NRXN1: variants seen among roughly 807,000 people sequenced by gnomAD.
NRXN1 encodes the protein neurexin-1.
A neutral mutation model predicts 150.9 loss-of-function variants in NRXN1; 39 were observed. The observed-to-expected ratio is 0.26, with a 90% CI of 0.20 to 0.34. The LOEUF (loss-of-function observed/expected upper bound fraction) is 0.34, where lower values mean the gene tolerates loss of function less well. Among genes scored for constraint, NRXN1 ranks in the 10% least tolerant of loss-of-function variants. The probability of loss-of-function intolerance (pLI) is 1.00; values close to 1 mark genes in which losing one functional copy is unlikely to be tolerated. For synonymous variants in NRXN1, 924 were observed against 757.0 expected, an observed-to-expected ratio of 1.22 and a Z score of -3.62; for missense variants, 1,815 against 1,949.9, an observed-to-expected ratio of 0.93 and a Z score of 1.30.
intron 5 of NRXN1, among the ~76,000 whole-genome samples, chr2:50,667,058 A>G (rs191891646): frequency 1.3e-5 from 2 of 151,944 alleles, no homozygotes; most frequent in African/African-American, 2.4e-5. Flanking sequence ...ATTACCATAT[A>G]CTTCTTCATT....
chr2:50,178,554 A>G (rs962231515), intron 18 of NRXN1, among the ~76,000 whole-genome samples: 2 of 152,080 alleles, frequency 1.3e-5, no homozygotes, highest in Non-Finnish European at 2.9e-5. Flanking sequence ...GACATGTAAC[A>G]TTAAACAGGG....
At chr2:50,709,819 T>C (rs746100140) in intron 5 of NRXN1, among the ~76,000 whole-genome samples, 1 of 152,158 alleles carries the variant, frequency 6.6e-6, no homozygotes, top group Non-Finnish European at 1.5e-5. Flanking sequence ...TACTTGACCA[T>C]TCTTAGAAGG....
At chr2:50,431,801 T>G (rs891197908) in intron 17 of NRXN1, among the ~76,000 whole-genome samples, 1 of 152,242 alleles carries the variant, frequency 6.6e-6, no homozygotes, top group Non-Finnish European at 1.5e-5. Context: ...ACACAAAAAG[T>G]TTGTTGACTT....
chr2:50,728,597 G>A (rs1697692046), intron 5 of NRXN1, among the ~76,000 whole-genome samples: 1 of 152,038 alleles, frequency 6.6e-6, no homozygotes, highest in Non-Finnish European at 1.5e-5. Flanking sequence ...GTTACTGAAT[G>A]TCCTTTTTGG....
At chr2:50,911,714 T>C (rs1373782100) in intron 5 of NRXN1, among the ~76,000 whole-genome samples, 1 of 151,940 alleles carries the variant, frequency 6.6e-6, no homozygotes, top group Non-Finnish European at 1.5e-5. Flanking sequence ...TTATTGAGAA[T>C]GATCCTAAAA....
chr2:50,495,004 C>G (rs190450237), intron 15 of NRXN1, among the ~76,000 whole-genome samples: 1 of 148,786 alleles, frequency 6.7e-6, no homozygotes, highest in East Asian at 2.0e-4. Flanking sequence ...GCACTCCAGC[C>G]TGGGTGACGG....
chr2:49,964,516 G>A lies in NRXN1; in HGVS notation c.4129-20725C>T, dbSNP rs377421576. On this transcript the variant is annotated intron_variant, in intron 21 of 22. Transcript: ENST00000401669. ...AATTGCTTGAACTAGGGAGGTGGAGGTTGCGGTGAGCCGAGATCACGCCAT... is the reference window on the plus strand; with the variant it reads ...AATTGCTTGAACTAGGGAGGTGGAGATTGCGGTGAGCCGAGATCACGCCAT... Among the ~76,000 whole-genome samples, 11 of 151,486 alleles carry A rather than the reference G, an allele frequency of 7.3e-5. No individual in the cohort carries two copies. The East Asian group carries it at 1.8e-3, about 24-fold the overall frequency.
At chr2:50,899,944 T>C (rs1287636682) in intron 5 of NRXN1, among the ~76,000 whole-genome samples, 1 of 152,204 alleles carries the variant, frequency 6.6e-6, no homozygotes, top group Non-Finnish European at 1.5e-5. Flanking sequence ...GAAGATGTAC[T>C]GATATTAGGC....
intron 22 of NRXN1, among the ~76,000 whole-genome samples, chr2:49,929,549 T>C (rs79108734): frequency 0.025 from 3,774 of 152,228 alleles, 96 homozygotes; most frequent in East Asian, 0.066. Context: ...TACTCCAATT[T>C]GTCTTCCATA....
intron 8 of NRXN1, among the ~76,000 whole-genome samples, chr2:50,561,636 G>A (rs1421991214): frequency 1.3e-5 from 2 of 152,140 alleles, no homozygotes; most frequent in African/African-American, 2.4e-5. Flanking sequence ...AATTACAAAC[G>A]AAGAGCAGCC....
chr2:50,234,078 A>C (rs991758600), intron 18 of NRXN1, among the ~76,000 whole-genome samples: 3 of 148,296 alleles, frequency 2.0e-5, no homozygotes, highest in African/African-American at 7.5e-5. Flanking sequence ...TTTTCTTTTA[A>C]TTTCTAATTC....
intron 22 of NRXN1, among the ~76,000 whole-genome samples, chr2:49,925,668 CA>C (rs1463528388): frequency 1.3e-5 from 2 of 152,100 alleles, no homozygotes; most frequent in Non-Finnish European, 2.9e-5. Context: ...TAAAATAAGA[CA>C]TTTTTAAAAA....
At chr2:50,309,255 T>C (rs1575029189) in intron 17 of NRXN1, among the ~76,000 whole-genome samples, 1 of 152,174 alleles carries the variant, frequency 6.6e-6, no homozygotes, top group Non-Finnish European at 1.5e-5. Flanking sequence ...TGATTCCAAA[T>C]TGAAAAATAC....
chr2:50,322,631 A>G (rs2076126081), intron 17 of NRXN1, among the ~76,000 whole-genome samples: 1 of 152,224 alleles, frequency 6.6e-6, no homozygotes, highest in African/African-American at 2.4e-5. Context: ...ATACGCATTC[A>G]TTCCTTGCCT....
chr2:50,610,054 A>G (rs190730751), intron 8 of NRXN1, among the ~76,000 whole-genome samples: 33 of 152,236 alleles, frequency 2.2e-4, no homozygotes, highest in African/African-American at 5.3e-4. Flanking sequence ...TTTCCTGGGG[A>G]AAAAAAGACA....
rs188335722 is a variant in NRXN1, at chr2:50,637,724, G to A, written c.833-14109C>T. On this transcript the variant is annotated intron_variant, in intron 5 of 22. Coordinates refer to ENST00000401669, the MANE Select transcript of NRXN1 (RefSeq NM_001330078.2). ...TTGGATAGCTCTACTTGTGTTAGAA[G>A]CCAATTCCCAGATCAGTCTTTGTGG... Among the ~76,000 whole-genome samples, 34 of 152,278 alleles carry A rather than the reference G, an allele frequency of 2.2e-4. No homozygotes were observed. The East Asian group carries it at 5.0e-3, about 23-fold the overall frequency.
chr2:50,918,162 G>A (rs1485835165), intron 5 of NRXN1: 1 of 151,850 alleles, frequency 6.6e-6, no homozygotes, highest in African/African-American at 2.4e-5. Context: ...TGCACTTTCA[G>A]AATGTGTAAC....
intron 5 of NRXN1, among the ~76,000 whole-genome samples, chr2:50,665,146 G>C (rs911769431): frequency 1.3e-5 from 2 of 152,000 alleles, no homozygotes; most frequent in East Asian, 3.9e-4. Flanking sequence ...GAATTTGTGT[G>C]ACCTACAATA....
chr2:50,093,529 G>T (rs1157902220), intron 18 of NRXN1, among the ~76,000 whole-genome samples: 2 of 151,692 alleles, frequency 1.3e-5, no homozygotes, highest in Non-Finnish European at 2.9e-5. Flanking sequence ...CAACTACTCA[G>T]GAGGCTGAGG....
Sources: gnomAD v4.1 joint callset for allele counts (sites outside exome capture counted in the v4.1 genomes callset) on GRCh38, gnomAD v4.1.1 for gene constraint, MANE v1.5 for transcripts, NCBI Gene and HGNC (gene_info 2026-07-23, HGNC 2026-07-21) for gene names.